RYR3: variants seen among roughly 807,000 people sequenced by gnomAD.
RYR3 encodes ryanodine receptor 3.
Under a neutral mutation model 584.3 loss-of-function variants are expected in RYR3, and 207 were observed. The ratio of observed to expected loss-of-function variants is 0.35; its 90% CI spans 0.32 to 0.40. The LOEUF is 0.40. Among genes scored for constraint, RYR3 ranks in the 10% least tolerant of loss-of-function variants. RYR3 has a pLI of 1.00. For missense variants in RYR3, 5,616 were observed against 6,089.2 expected (o/e 0.92, Z 2.59); for synonymous variants, 2,416 against 2,248.5 (o/e 1.07, Z -2.11).
At chr15:33,559,318 C>G (rs2057278430) in intron 10 of RYR3, among the ~76,000 whole-genome samples, 1 of 152,150 alleles carries the variant, frequency 6.6e-6, no homozygotes. Context: ...TGCAATGTTC[C>G]TTTATGTGAT....
intron 35 of RYR3, 49 bp downstream of exon 35, chr15:33,662,997 T>G (rs750823667): frequency 1.3e-5 from 19 of 1,513,720 alleles, no homozygotes; most frequent in Non-Finnish European, 1.7e-5. Flanking sequence ...TCTTCTGCTT[T>G]GATCAAAATA....
At chr15:33,422,931 T>C (rs1430710132) in intron 1 of RYR3, among the ~76,000 whole-genome samples, 2 of 152,248 alleles carry the variant, frequency 1.3e-5, no homozygotes, top group Non-Finnish European at 2.9e-5. Context: ...TTCCCTCTTG[T>C]AGTAGTTGAG....
chr15:33,655,585 G>T (rs896128061), intron 32 of RYR3, among the ~76,000 whole-genome samples: 2 of 152,124 alleles, frequency 1.3e-5, no homozygotes, highest in African/African-American at 4.8e-5. Flanking sequence ...TTTTGGCTGG[G>T]TGCTGGTACC....
chr15:33,786,694 T>G (rs1395640206), intron 66 of RYR3, among the ~76,000 whole-genome samples: 1 of 152,202 alleles, frequency 6.6e-6, no homozygotes, highest in East Asian at 1.9e-4. Context: ...AAGGCAAAAT[T>G]ACTGCTTTTG....
chr15:33,432,583 G>A (rs1213056796), intron 1 of RYR3, among the ~76,000 whole-genome samples: 1 of 150,658 alleles, frequency 6.6e-6, no homozygotes, highest in African/African-American at 2.5e-5. Context: ...CATTAGATGT[G>A]AAGATTTTTC....
chr15:33,731,657 A>T lies in RYR3; in HGVS notation c.7387A>T (p.Arg2463Trp). The T allele has an allele frequency of 6.2e-7, 1 of 1,613,442 alleles. No individual in the cohort carries two copies. Among genetic ancestry groups the T allele is most frequent in the Non-Finnish European group, 8.5e-7 (1 of 1,179,414 alleles). ...GGGACGTTCCCTCACCAAAGCACAA[A>T]GGGACACTATAGAAGAATGTTTGCT... ...SKGRSLTKAQ[R>W]DTIEECLLAI... The change falls in exon 48 of 104, where the codon AGG becomes TGG. Residue 2463 changes from arginine (R) to tryptophan (W), a missense_variant. Around this residue, in one of 9 missense-constraint regions of RYR3, gnomAD observed 1,280 missense variants for 1,426.2 expected, o/e 0.90. Coordinates refer to ENST00000634891, the MANE Select transcript of RYR3 (RefSeq NM_001036.6).
intron 1 of RYR3, among the ~76,000 whole-genome samples, chr15:33,351,709 A>G (rs1973288353): frequency 6.7e-6 from 1 of 150,094 alleles, no homozygotes; most frequent in South Asian, 2.1e-4. Flanking sequence ...AAATTCAACA[A>G]CCCTTCATGC....
intron 50 of RYR3, 148 bp downstream of exon 50, chr15:33,738,738 C>T (rs181638375): frequency 3.5e-6 from 3 of 850,602 alleles, no homozygotes; most frequent in East Asian, 5.1e-5. Context: ...TTGCCCATCT[C>T]TCTGAAATGG....
chr15:33,350,540 C>T (rs1233311060), intron 1 of RYR3, among the ~76,000 whole-genome samples: 2 of 151,282 alleles, frequency 1.3e-5, no homozygotes, highest in African/African-American at 2.4e-5. Flanking sequence ...TGTAAAAGAA[C>T]AGAAATTATA....
At chr15:33,860,740 C>T (rs997953661) in intron 101 of RYR3, 81 bp downstream of exon 101, 1 of 1,097,330 alleles carries the variant, frequency 9.1e-7, no homozygotes, top group African/African-American at 1.6e-5. Flanking sequence ...ATAGGTTTTA[C>T]TATTACTTAG....
intron 1 of RYR3, among the ~76,000 whole-genome samples, chr15:33,381,568 C>T (rs940883341): frequency 2.6e-5 from 4 of 152,172 alleles, no homozygotes; most frequent in Non-Finnish European, 4.4e-5. Flanking sequence ...CTTCTTCCTG[C>T]CCTGACCACT....
At chr15:33,705,490 C>T (rs569404013) in intron 42 of RYR3, among the ~76,000 whole-genome samples, 9 of 152,288 alleles carry the variant, frequency 5.9e-5, no homozygotes, top group Non-Finnish European at 1.0e-4. Flanking sequence ...TGTGGATTCT[C>T]CTCTTCTCTG....
chr15:33,819,054 C>T (rs1310912376), intron 76 of RYR3, among the ~76,000 whole-genome samples: 1 of 150,958 alleles, frequency 6.6e-6, no homozygotes. Context: ...ACCCGGGAGG[C>T]GGAGGTTGCA....
intron 66 of RYR3, 33 bp from the exon 67 acceptor site, chr15:33,788,185 G>A (rs367638335): frequency 1.3e-4 from 205 of 1,611,768 alleles, no homozygotes; most frequent in Non-Finnish European, 1.7e-4. Context: ...GCCATAATAC[G>A]TGAAATGACG....
intron 1 of RYR3, among the ~76,000 whole-genome samples, chr15:33,438,714 C>A (rs779697244): frequency 2.6e-5 from 4 of 152,106 alleles, no homozygotes; most frequent in Non-Finnish European, 5.9e-5. Flanking sequence ...TCTTTTTTAT[C>A]TTTGAGCATG....
chr15:33,536,246 A>G (rs1451428189), intron 5 of RYR3, among the ~76,000 whole-genome samples: 1 of 152,160 alleles, frequency 6.6e-6, no homozygotes, highest in African/African-American at 2.4e-5. Flanking sequence ...ATATGAGGAG[A>G]AAGTTTGGGG....
intron 1 of RYR3, among the ~76,000 whole-genome samples, chr15:33,429,305 AC>A (rs944869176): frequency 6.6e-6 from 1 of 152,146 alleles, no homozygotes; most frequent in African/African-American, 2.4e-5. Flanking sequence ...CCTGATGAGT[AC>A]CCTACATTAG....
At chr15:33,862,551 C>T (rs146800558) in intron 102 of RYR3, among the ~76,000 whole-genome samples, 3 of 152,306 alleles carry the variant, frequency 2.0e-5, no homozygotes, top group Admixed American at 6.5e-5. Flanking sequence ...TTGGAGAAGG[C>T]ATTGTCAGAA....
chr15:33,461,165 T>G (rs1017707330), intron 1 of RYR3, among the ~76,000 whole-genome samples: 1 of 151,804 alleles, frequency 6.6e-6, no homozygotes, highest in African/African-American at 2.4e-5. Context: ...AGGATGGTCT[T>G]GATCTCCTGA....
Sources: allele counts gnomAD v4.1 joint callset (sites outside exome capture counted in the v4.1 genomes callset), GRCh38; gene constraint gnomAD v4.1.1; regional missense constraint gnomAD v4.1.1; transcripts MANE v1.5; gene names NCBI Gene and HGNC (gene_info 2026-07-23, HGNC 2026-07-21).